KCND2: variants seen among roughly 807,000 people sequenced by gnomAD.
KCND2 encodes potassium voltage-gated channel subfamily D member 2.
KCND2 carries 16 observed loss-of-function variants against 54.4 expected under a neutral mutation model. The ratio of observed to expected loss-of-function variants is 0.29; its 90% CI spans 0.20 to 0.45. The LOEUF is 0.45. Ranked by LOEUF, KCND2 falls within the 20% of genes least tolerant of loss-of-function variation. KCND2 has a pLI of 1.00. For synonymous variants in KCND2, 317 were observed against 310.7 expected, an observed-to-expected ratio of 1.02 and a Z score of -0.21; for missense variants, 486 against 824.2, an observed-to-expected ratio of 0.59 and a Z score of 5.02.
intron 1 of KCND2, among the ~76,000 whole-genome samples, chr7:120,503,957 C>T (rs1227683624): frequency 6.6e-6 from 1 of 151,956 alleles, no homozygotes; most frequent in Non-Finnish European, 1.5e-5. Context: ...AAATCTTTTG[C>T]TCCTTTCTTG....
intron 1 of KCND2, among the ~76,000 whole-genome samples, chr7:120,506,915 A>G (rs1448075759): frequency 1.3e-5 from 2 of 151,568 alleles, no homozygotes; most frequent in Non-Finnish European, 3.0e-5. Context: ...TCATCCTTTT[A>G]TTTATTTATT....
intron 1 of KCND2, among the ~76,000 whole-genome samples, chr7:120,677,355 C>A (rs1450183746): frequency 6.6e-6 from 1 of 151,940 alleles, no homozygotes; most frequent in Non-Finnish European, 1.5e-5. Flanking sequence ...AACCAAGAAA[C>A]TGATGATGAG....
chr7:120,685,035 A>G (rs1179610450), intron 1 of KCND2, among the ~76,000 whole-genome samples: 1 of 152,220 alleles, frequency 6.6e-6, no homozygotes, highest in Non-Finnish European at 1.5e-5. Context: ...CACACAATAA[A>G]TTTAATGCAT....
At chr7:120,365,446 C>T (rs2116406952) in intron 1 of KCND2, among the ~76,000 whole-genome samples, 1 of 152,148 alleles carries the variant, frequency 6.6e-6, no homozygotes, top group African/African-American at 2.4e-5. Context: ...GGCTGTAAGG[C>T]CATGTATACA....
In KCND2 at chr7:120,595,591, G is replaced by GTGTATATA. The variant is rs370024431; in HGVS notation, c.1116-137311_1116-137310insGTATATAT. ...TGTGTGTATATATATGTGTGTGTGT[G>GTGTATATA]TATATATATATATATATATATACAC... On this transcript the variant is annotated intron_variant, in intron 1 of 5. Coordinates refer to ENST00000331113, the MANE Select transcript of KCND2 (RefSeq NM_012281.3). Among the ~76,000 whole-genome samples the GTGTATATA allele has an allele frequency of 3.9e-3, 519 of 131,882 alleles. 4 individuals carry two copies. The highest frequency in any genetic ancestry group is 0.011 in the African/African-American group (386 of 35,854). The allele number at this position is 131,882 out of a possible 152,430, so 86.5% of individuals were successfully genotyped here. A position where few individuals can be genotyped will look rare whatever the true frequency, so the allele number is the denominator to read the frequency against.
chr7:120,520,999 TG>T (rs1222434273), intron 1 of KCND2, among the ~76,000 whole-genome samples: 1 of 152,046 alleles, frequency 6.6e-6, no homozygotes, highest in Non-Finnish European at 1.5e-5. Context: ...CATATGCCCT[TG>T]GTGGAAAATA....
intron 1 of KCND2, among the ~76,000 whole-genome samples, chr7:120,663,161 C>A (rs1233370530): frequency 6.6e-6 from 1 of 152,080 alleles, no homozygotes; most frequent in Non-Finnish European, 1.5e-5. Flanking sequence ...TCCTCTTATG[C>A]GTTCTTGAAG....
At chr7:120,423,772 C>T (rs1801661285) in intron 1 of KCND2, among the ~76,000 whole-genome samples, 1 of 152,170 alleles carries the variant, frequency 6.6e-6, no homozygotes, top group African/African-American at 2.4e-5. Context: ...TGTTTACTAA[C>T]CCTTCTTGTT....
intron 1 of KCND2, among the ~76,000 whole-genome samples, chr7:120,357,873 C>T (rs1444695295): frequency 6.6e-6 from 1 of 152,056 alleles, no homozygotes; most frequent in Non-Finnish European, 1.5e-5. Context: ...CTTCATTTGA[C>T]TTTAATTATC....
At chr7:120,457,432 TA>T (rs1802216236) in intron 1 of KCND2, among the ~76,000 whole-genome samples, 5 of 152,196 alleles carry the variant, frequency 3.3e-5, no homozygotes, top group African/African-American at 7.2e-5. Context: ...CCAGATACCC[TA>T]AATCATCTCT....
intron 1 of KCND2, among the ~76,000 whole-genome samples, chr7:120,525,458 G>T (rs964970202): frequency 1.3e-5 from 2 of 152,158 alleles, no homozygotes; most frequent in African/African-American, 4.8e-5. Context: ...TGCTATGGCT[G>T]TGTAGTTTTA....
chr7:120,679,299 A>C (rs1028375347), intron 1 of KCND2, among the ~76,000 whole-genome samples: 4 of 151,796 alleles, frequency 2.6e-5, no homozygotes, highest in African/African-American at 9.7e-5. Flanking sequence ...CCCCAAAGCT[A>C]TCATTTTTAG....
chr7:120,323,700 G>C (rs1799929479), intron 1 of KCND2, among the ~76,000 whole-genome samples: 1 of 137,686 alleles, frequency 7.3e-6, no homozygotes, highest in Non-Finnish European at 1.5e-5. Flanking sequence ...GTCTATCATT[G>C]TTGGACATTT....
rs1305750795 is a variant in KCND2, at chr7:120,748,369, T to A, written c.*511T>A. The A allele has an allele frequency of 6.5e-6, 1 of 154,808 alleles. No homozygotes were observed. Among genetic ancestry groups the A allele is most frequent in the African/African-American group, 2.4e-5 (1 of 41,438 alleles). The allele number at this position is 154,808 out of a possible 1,614,324, so 9.6% of individuals were successfully genotyped here. On this transcript the variant is annotated 3_prime_UTR_variant, in exon 6 of 6. Transcript: ENST00000331113. ...AATTCTTTGAAGCAGTGATCTCAGT[T>A]TCCTTATGTTGTCTTCAGAATAGGC...
At chr7:120,687,691 A>G (rs1792221172) in intron 1 of KCND2, among the ~76,000 whole-genome samples, 1 of 152,194 alleles carries the variant, frequency 6.6e-6, no homozygotes, top group Non-Finnish European at 1.5e-5. Flanking sequence ...CATGTTGTAC[A>G]TAATAAACAA....
At chr7:120,642,569 TA>T (rs199550192) in intron 1 of KCND2, among the ~76,000 whole-genome samples, 28 of 65,396 alleles carry the variant, frequency 4.3e-4, no homozygotes, top group Non-Finnish European at 5.9e-4. Flanking sequence ...AAATAAAAAA[TA>T]AAAAAAAATA....
chr7:120,449,159 C>G (rs1802063015), intron 1 of KCND2, among the ~76,000 whole-genome samples: 1 of 151,988 alleles, frequency 6.6e-6, no homozygotes, highest in Non-Finnish European at 1.5e-5. Context: ...GAAACCCCAT[C>G]TCTACTAAAA....
At chr7:120,349,309 AACAC>A (rs964021304) in intron 1 of KCND2, among the ~76,000 whole-genome samples, 1 of 89,278 alleles carries the variant, frequency 1.1e-5, no homozygotes, top group African/African-American at 3.9e-5. Context: ...CACACACACA[AACAC>A]ACACACACAC....
At chr7:120,558,410 A>T (rs921920206) in intron 1 of KCND2, among the ~76,000 whole-genome samples, 3 of 152,080 alleles carry the variant, frequency 2.0e-5, no homozygotes, top group Admixed American at 2.0e-4. Context: ...AGCTCCAGAA[A>T]CCTATTCCTT....
Sources: allele counts gnomAD v4.1 joint callset (sites outside exome capture counted in the v4.1 genomes callset), GRCh38; gene constraint gnomAD v4.1.1; transcripts MANE v1.5; gene names NCBI Gene and HGNC (gene_info 2026-07-23, HGNC 2026-07-21).